PAN2: variants seen among roughly 807,000 people sequenced by gnomAD.
PAN2 encodes PAN2-PAN3 deadenylation complex catalytic subunit PAN2.
A neutral mutation model predicts 133.3 loss-of-function variants in PAN2; 68 were observed. The ratio of observed to expected loss-of-function variants is 0.51; its 90% confidence interval spans 0.42 to 0.62. The LOEUF is 0.62. PAN2 is among the 20% of genes least tolerant of loss of function. PAN2 has a pLI of 0.00. For missense variants in PAN2, 1,042 were observed against 1,500.5 expected (o/e 0.69, Z 5.05); for synonymous variants, 462 against 544.6 (o/e 0.85, Z 2.11).
At chr12:56,320,965 G>A (rs1439948748) in intron 20 of PAN2, among the ~76,000 whole-genome samples, 1 of 150,550 alleles carries the variant, frequency 6.6e-6, no homozygotes, top group Non-Finnish European at 1.5e-5. Context: ...TCGGGAGGCT[G>A]AGGCAGGAGA....
chr12:56,322,776 A>G lies in PAN2; in HGVS notation c.2494-18T>C. ...GGGCCCCACTGTGAGGGGGGTACCC[A>G]GGCTGCTAAGCTAAGTTTAAGGATG... On this transcript the variant is annotated intron_variant, in intron 17 of 25. Transcript: ENST00000440411. The G allele has an allele frequency of 6.8e-7, 1 of 1,477,290 alleles. No individual in the cohort carries two copies. Among genetic ancestry groups the G allele is most frequent in the Non-Finnish European group, 9.1e-7 (1 of 1,095,310 alleles). The allele number at this position is 1,477,290 out of a possible 1,614,324, so 91.5% of individuals were successfully genotyped here. A position where few individuals can be genotyped will look rare whatever the true frequency, so the allele number is the denominator to read the frequency against.
intron 17 of PAN2, 40 bp downstream of exon 17, chr12:56,323,022 T>C: frequency 6.2e-7 from 1 of 1,611,838 alleles, no homozygotes; most frequent in Non-Finnish European, 8.5e-7. Context: ...CCCCACCTTC[T>C]CTCCCTTATT....
chr12:56,329,226 C>A (rs1002524385), intron 2 of PAN2, among the ~76,000 whole-genome samples: 13 of 152,066 alleles, frequency 8.5e-5, no homozygotes, highest in Non-Finnish European at 1.6e-4. Flanking sequence ...TTACTGTATT[C>A]TCTATGGTAC....
chr12:56,330,159 C>G (rs138392669), intron 2 of PAN2, among the ~76,000 whole-genome samples: 38 of 152,178 alleles, frequency 2.5e-4, no homozygotes, highest in Middle Eastern at 3.4e-3. Flanking sequence ...CTTTTTGGTG[C>G]TGCATCCAAG....
chr12:56,333,333 T>G, intron 1 of PAN2, 125 bp from the exon 2 acceptor site: 2 of 543,880 alleles, frequency 3.7e-6, no homozygotes, highest in African/African-American at 1.9e-5. Context: ...AGCCAAAGGA[T>G]GAAGCAGGCG....
chr12:56,331,990 G>T (rs1348147354), intron 2 of PAN2, among the ~76,000 whole-genome samples: 1 of 152,164 alleles, frequency 6.6e-6, no homozygotes, highest in Non-Finnish European at 1.5e-5. Context: ...TGGGATTACA[G>T]GAGTGAGCCA....
At position 56,319,834 on chromosome 12, in the gene PAN2, C is replaced by G. The variant is rs1397793388; in HGVS notation, c.2946+30G>C. The G allele has an allele frequency of 6.2e-7, 1 of 1,613,948 alleles. No homozygotes were observed. The highest frequency in any genetic ancestry group is 8.5e-7 in the Non-Finnish European group (1 of 1,179,866). ...CTCCTAATATCCTCAGCGTTCTCTT[C>G]CAATGCCCCATCCCTTTGGTCTTGG... is the stretch of plus-strand genomic sequence containing the variant. On this transcript the variant is annotated intron_variant, in intron 21 of 25. Transcript: ENST00000440411. This position sits in a 1 kb window ranked among gnomAD's most constrained non-coding sequence, Gnocchi z 5.4.
chr12:56,329,707 G>A (rs1373135055), intron 2 of PAN2, among the ~76,000 whole-genome samples: 1 of 151,004 alleles, frequency 6.6e-6, no homozygotes, highest in Admixed American at 6.6e-5. Flanking sequence ...ACTTTGGGAG[G>A]CCAAGGCAGG....
chr12:56,326,282 G>T, intron 8 of PAN2, 31 bp downstream of exon 8: 1 of 1,546,630 alleles, frequency 6.5e-7, no homozygotes, highest in Non-Finnish European at 8.8e-7. Flanking sequence ...AGTGGGCCGG[G>T]GTCGGGGCTG....
intron 2 of PAN2, 183 bp downstream of exon 2, chr12:56,332,630 C>A: frequency 1.7e-6 from 1 of 603,832 alleles, no homozygotes; most frequent in East Asian, 2.8e-5. Flanking sequence ...GGGATGCCTC[C>A]TGAGAAAGAA....
rs540795477 is a variant in PAN2, at chr12:56,319,807, A to T, written c.2947-43T>A. ...ATAAGGAAATCAGAGAAATGCTTAC[A>T]ACTCCTAATATCCTCAGCGTTCTCT... On this transcript the variant is annotated intron_variant, in intron 21 of 25. Coordinates refer to ENST00000440411, the MANE Select transcript of PAN2 (RefSeq NM_014871.6). This position sits in a 1 kb window ranked among gnomAD's most constrained non-coding sequence, Gnocchi z 5.4. 1 of 1,613,000 alleles carries T rather than the reference A, an allele frequency of 6.2e-7. No homozygotes were observed. Among genetic ancestry groups the T allele is most frequent in the African/African-American group, 1.3e-5 (1 of 75,012 alleles).
rs767055164 is a variant in PAN2, at chr12:56,322,480, G to A, written c.2640C>T (p.Gly880=). ...ACAGATACCACTGCTGGTGAGTAAC[G>A]CCCTATGGAAATACAAAGAAAGCCT... ...VGETYHQRKE[G]VTHQQWYLFN... Residue 880 remains glycine (G), a splice_region_variant and synonymous_variant, in exon 19 of 26, where the codon GGC becomes GGT. Transcript: ENST00000440411. 21 of 1,613,334 alleles carry A rather than the reference G, an allele frequency of 1.3e-5. No homozygotes were observed. The highest frequency in any genetic ancestry group is 5.5e-5 in the South Asian group (5 of 91,080).
chr12:56,327,956 C>T (rs1294094208), intron 5 of PAN2, 39 bp downstream of exon 5: 2 of 1,612,930 alleles, frequency 1.2e-6, no homozygotes, highest in Non-Finnish European at 1.7e-6. Context: ...TCTAGTGAAA[C>T]AGGGCCCTGC....
In PAN2 at chr12:56,317,579, G is replaced by C; in HGVS notation, c.*30C>G. The C allele has an allele frequency of 6.2e-7, 1 of 1,605,986 alleles. No homozygotes were observed. Among genetic ancestry groups the C allele is most frequent in the South Asian group, 1.1e-5 (1 of 90,698 alleles). On this transcript the variant is annotated 3_prime_UTR_variant, in exon 26 of 26. Transcript: ENST00000440411. ...TTCTGGGGCTATAGAACAGTAAAGG[G>C]AGAGGGCCGTGGTTCTTTGGGAAGG...
At chr12:56,327,760 A>C (rs2135984787) in intron 5 of PAN2, 129 bp from the exon 6 acceptor site, 1 of 1,279,152 alleles carries the variant, frequency 7.8e-7, no homozygotes, top group South Asian at 1.5e-5. Context: ...AGCACAGAAA[A>C]GGCAAACAGA....
chr12:56,324,993 A>C lies in PAN2; in HGVS notation c.1599+16T>G. On this transcript the variant is annotated intron_variant, in intron 10 of 25. Coordinates refer to ENST00000440411, the MANE Select transcript of PAN2 (RefSeq NM_014871.6). ...GCAGCAGGCACGTTCAAGTTACAGG[A>C]ATACCCAACCCTTACCTGGATCATG... The C allele has an allele frequency of 6.2e-7, 1 of 1,612,894 alleles. No individual in the cohort carries two copies.
intron 20 of PAN2, among the ~76,000 whole-genome samples, chr12:56,321,850 CAAA>C (rs878877886): frequency 9.5e-6 from 1 of 105,626 alleles, no homozygotes. Context: ...GACTGCATCT[CAAA>C]AAAAAAAAAA....
chr12:56,318,743 T>C (rs1406417397), intron 24 of PAN2, among the ~76,000 whole-genome samples: 1 of 152,198 alleles, frequency 6.6e-6, no homozygotes, highest in African/African-American at 2.4e-5. Context: ...TGTGCATGTT[T>C]GTTACATGGG....
At position 56,328,549 on chromosome 12, in the gene PAN2, C is replaced by T; in HGVS notation, c.375G>A (p.Leu125=). The T allele has an allele frequency of 6.2e-7, 1 of 1,614,214 alleles. No individual in the cohort carries two copies. Among genetic ancestry groups the T allele is most frequent in the Non-Finnish European group, 8.5e-7 (1 of 1,180,004 alleles). Residue 125 remains leucine (L), a synonymous_variant, in exon 3 of 26, where the codon CTG becomes CTA. Coordinates refer to ENST00000440411, the MANE Select transcript of PAN2 (RefSeq NM_014871.6). ...TGGTGAGAAAAAGGATACCATTCTC[C>T]AGGCTCTGGATCTGCCGAATATCAT... ...GSDDIRQIQS[L]ENGILFLTKN...
Sources: gnomAD v4.1 joint callset for allele counts (sites outside exome capture counted in the v4.1 genomes callset) on GRCh38, gnomAD v4.1.1 for gene constraint, Gnocchi (gnomAD v3.1) non-coding constraint, MANE v1.5 for transcripts, NCBI Gene and HGNC (gene_info 2026-07-23, HGNC 2026-07-21) for gene names.